Variants in AJAP1 observed in about 807,000 individuals in gnomAD.
The protein encoded by AJAP1 is adherens junction-associated protein 1.
Under a neutral mutation model 35.0 loss-of-function variants are expected in AJAP1, and 5 were observed. The ratio of observed to expected loss-of-function variants is 0.14; its 90% CI spans 0.07 to 0.30. The LOEUF (loss-of-function observed/expected upper bound fraction) is 0.30, where lower values mean the gene tolerates loss of function less well. AJAP1 is among the 10% of genes least tolerant of loss of function. The pLI, the probability that AJAP1 is intolerant of heterozygous loss-of-function variation, is 1.00. For synonymous variants in AJAP1, 284 were observed against 249.3 expected, an observed-to-expected ratio of 1.14 and a Z score of -1.31; for missense variants, 586 against 571.0, an observed-to-expected ratio of 1.03 and a Z score of -0.27.
At chr1:4,756,252 G>A (rs1350213546) in intron 2 of AJAP1, among the ~76,000 whole-genome samples, 1 of 152,232 alleles carries the variant, frequency 6.6e-6, no homozygotes, top group East Asian at 1.9e-4. Context: ...CCACAGTGGT[G>A]AGGGGCTTGG....
chr1:4,736,986 C>A (rs12407631), intron 2 of AJAP1, among the ~76,000 whole-genome samples: 1 of 152,158 alleles, frequency 6.6e-6, no homozygotes, highest in Non-Finnish European at 1.5e-5. Flanking sequence ...GCAAGGGCCC[C>A]GCTTAATCCA....
intron 1 of AJAP1, among the ~76,000 whole-genome samples, chr1:4,659,462 G>A (rs1638955393): frequency 6.6e-6 from 1 of 152,104 alleles, no homozygotes; most frequent in Non-Finnish European, 1.5e-5. Flanking sequence ...AATTCAAAGG[G>A]GCTGGTGAGT....
Position 4,721,242 on chromosome 1 carries a change from G to T in AJAP1, c.829+8543G>T, listed in dbSNP as rs184714738. 8.5e-5 allele frequency among the ~76,000 whole-genome samples: 13 copies of T among 152,286 alleles called. No individual in the cohort carries two copies. The East Asian group carries it at 2.5e-3, about 30-fold the overall frequency. ...CAGAACCCAGCTCTCCTGACTCCAG[G>T]ACTGTGGCACTTTCCATGATTCTAG... On this transcript the variant is annotated intron_variant, in intron 2 of 5. Coordinates refer to ENST00000378191, the MANE Select transcript of AJAP1 (RefSeq NM_018836.4).
At chr1:4,743,606 A>G (rs910339525) in intron 2 of AJAP1, among the ~76,000 whole-genome samples, 1 of 152,154 alleles carries the variant, frequency 6.6e-6, no homozygotes, top group Non-Finnish European at 1.5e-5. Context: ...ATGCTGAGAC[A>G]TTGCCAGGAG....
intron 1 of AJAP1, among the ~76,000 whole-genome samples, chr1:4,701,556 C>T (rs150970470): frequency 2.3e-4 from 35 of 152,310 alleles, no homozygotes; most frequent in East Asian, 9.7e-4. Context: ...TTCCCAGCCT[C>T]GGCCCTCTGG....
intron 1 of AJAP1, among the ~76,000 whole-genome samples, chr1:4,698,259 T>TG: frequency 6.6e-6 from 1 of 152,256 alleles, no homozygotes; most frequent in South Asian, 2.1e-4. Context: ...GAGGACATGT[T>TG]GCCCCCACGC....
chr1:4,696,548 C>G (rs1639863584), intron 1 of AJAP1, among the ~76,000 whole-genome samples: 1 of 152,228 alleles, frequency 6.6e-6, no homozygotes, highest in Non-Finnish European at 1.5e-5. Flanking sequence ...TGCATCTGCT[C>G]TAGACACTCC....
chr1:4,657,890 G>A (rs926359130), intron 1 of AJAP1, among the ~76,000 whole-genome samples: 3 of 152,128 alleles, frequency 2.0e-5, no homozygotes, highest in African/African-American at 7.2e-5. Context: ...GTCTTTTGCG[G>A]TGGCATTTAA....
chr1:4,677,522 C>CGGCGAGT, intron 1 of AJAP1, among the ~76,000 whole-genome samples: 1 of 151,902 alleles, frequency 6.6e-6, no homozygotes, highest in Admixed American at 6.6e-5. Flanking sequence ...GGGATTCCAC[C>CGGCGAGT]TCTCTCTGGG....
At chr1:4,772,083 ATTTT>A (rs111647192) in intron 3 of AJAP1, among the ~76,000 whole-genome samples, 193 bp from the exon 4 acceptor site, 156 of 149,330 alleles carry the variant, frequency 1.0e-3, no homozygotes, top group Middle Eastern at 3.4e-3. Flanking sequence ...TTCAAATTTC[ATTTT>A]TTTTTTTTAA....
Position 4,693,581 on chromosome 1 carries a change from G to A in AJAP1, c.30-18319G>A, listed in dbSNP as rs944935224. Among the ~76,000 whole-genome samples, 4 of 152,200 alleles carry A rather than the reference G, an allele frequency of 2.6e-5. 1 individual carries two copies. The highest frequency in any genetic ancestry group is 2.6e-4 in the Admixed American group (4 of 15,286). On this transcript the variant is annotated intron_variant, in intron 1 of 5. Coordinates refer to ENST00000378191, the MANE Select transcript of AJAP1 (RefSeq NM_018836.4). This position sits in a 1 kb window ranked among gnomAD's most constrained non-coding sequence, Gnocchi z 4.4. The stretch of plus-strand genomic sequence containing the variant: ...TGGGAGCGGGAGGGGAGGAAGAGTT[G>A]CCAGCTCATGTCAGACTTGATTAGT...
intron 1 of AJAP1, among the ~76,000 whole-genome samples, chr1:4,694,349 G>C (rs1007143794): frequency 1.3e-5 from 2 of 152,224 alleles, no homozygotes; most frequent in Non-Finnish European, 2.9e-5. Flanking sequence ...TGCACAGCAA[G>C]TATTATTTTC....
At chr1:4,676,006 G>C (rs1639354341) in intron 1 of AJAP1, among the ~76,000 whole-genome samples, 1 of 152,212 alleles carries the variant, frequency 6.6e-6, no homozygotes, top group Non-Finnish European at 1.5e-5. Flanking sequence ...AGCCCGTCTT[G>C]TGGGCTCCCA....
intron 2 of AJAP1, among the ~76,000 whole-genome samples, chr1:4,725,814 G>C (rs887222696): frequency 6.6e-6 from 1 of 152,174 alleles, no homozygotes; most frequent in Non-Finnish European, 1.5e-5. Flanking sequence ...TCACATGGTT[G>C]TCCCTCTGTG....
chr1:4,736,799 T>C (rs1640936060), intron 2 of AJAP1, among the ~76,000 whole-genome samples: 1 of 152,202 alleles, frequency 6.6e-6, no homozygotes, highest in Non-Finnish European at 1.5e-5. Context: ...GTGGAGAACG[T>C]GCGGGGGCCG....
rs372620615 is a variant in AJAP1, at chr1:4,706,355, C to T, written c.30-5545C>T. 7.7e-4 allele frequency among the ~76,000 whole-genome samples: 118 copies of T among 152,292 alleles called. 1 individual carries two copies. Among genetic ancestry groups the T allele is most frequent in the African/African-American group, 2.6e-3 (108 of 41,570 alleles). On this transcript the variant is annotated intron_variant, in intron 1 of 5. Transcript: ENST00000378191. The stretch of plus-strand genomic sequence containing the variant: ...GGCGGAGACCTCAGAGCCCACCTGC[C>T]CCAACTTACTGGTATGAATGACAGA...
intron 2 of AJAP1, among the ~76,000 whole-genome samples, chr1:4,761,993 A>G (rs1490777839): frequency 1.3e-5 from 2 of 152,142 alleles, no homozygotes; most frequent in East Asian, 1.9e-4. Flanking sequence ...CTTCAGTCCA[A>G]TCGACTTGAC....
chr1:4,755,284 C>T (rs1641402886), intron 2 of AJAP1, among the ~76,000 whole-genome samples: 1 of 152,178 alleles, frequency 6.6e-6, no homozygotes, highest in South Asian at 2.1e-4. Flanking sequence ...CACTCAGAAC[C>T]CCTGTGGGAA....
At chr1:4,713,071 T>C (rs1457340894) in intron 2 of AJAP1, among the ~76,000 whole-genome samples, 2 of 152,094 alleles carry the variant, frequency 1.3e-5, no homozygotes, top group East Asian at 3.9e-4. Flanking sequence ...GGCCGGCCCT[T>C]GAGCAAGATG....
Sources: gnomAD v4.1 joint callset for allele counts (sites outside exome capture counted in the v4.1 genomes callset) on GRCh38, gnomAD v4.1.1 for gene constraint, Gnocchi (gnomAD v3.1) non-coding constraint, MANE v1.5 for transcripts, NCBI Gene and HGNC (gene_info 2026-07-23, HGNC 2026-07-21) for gene names.